The following SLC36A1 variants were observed in gnomAD, a reference collection of about 807,000 sequenced individuals.
The protein encoded by SLC36A1 is solute carrier family 36 member 1, also known as proton-coupled amino acid transporter 1.
A neutral mutation model predicts 47.5 loss-of-function variants in SLC36A1; 30 were observed. The observed-to-expected ratio is 0.63, with a 90% CI of 0.47 to 0.86. The LOEUF (loss-of-function observed/expected upper bound fraction) is 0.86, where lower values mean the gene tolerates loss of function less well. SLC36A1 is among the 40% of genes least tolerant of loss of function. The pLI is 0.00. For synonymous variants in SLC36A1, 255 were observed against 249.7 expected (o/e 1.02, Z -0.20); for missense variants, 517 against 606.0 (o/e 0.85, Z 1.54).
chr5:151,526,276 A>G, the SLC36A1 span, among the ~76,000 whole-genome samples: 7 of 152,238 alleles, frequency 4.6e-5, no homozygotes, highest in Non-Finnish European at 1.0e-4. Flanking sequence ...TCAAGATCAC[A>G]CACTGCTGAA....
At chr5:151,501,446 TG>T in the SLC36A1 span, among the ~76,000 whole-genome samples, 1 of 148,486 alleles carries the variant, frequency 6.7e-6, no homozygotes, top group South Asian at 2.1e-4. Flanking sequence ...AAGGGTGCGC[TG>T]TGGAGTAGCA....
chr5:151,405,368 G>A, the SLC36A1 span, among the ~76,000 whole-genome samples: 1,682 of 19,874 alleles, frequency 0.085, 59 homozygotes, highest in African/African-American at 0.22. Flanking sequence ...TTTTTTTTTT[G>A]AGATAGGGTG....
At chr5:151,421,880 G>A in the SLC36A1 span, among the ~76,000 whole-genome samples, 10 of 152,120 alleles carry the variant, frequency 6.6e-5, no homozygotes, top group Admixed American at 1.3e-4. Flanking sequence ...GTGAGCCACC[G>A]CGCCCGGCTG....
chr5:151,485,775 T>C (rs1182732819), intron 10 of SLC36A1, among the ~76,000 whole-genome samples: 1 of 152,240 alleles, frequency 6.6e-6, no homozygotes, highest in African/African-American at 2.4e-5. Context: ...TGGGTACCAC[T>C]AGACATTCTG....
At chr5:151,389,669 T>C in the SLC36A1 span, among the ~76,000 whole-genome samples, 74,382 of 150,454 alleles carry the variant, frequency 0.49, 20,327 homozygotes, top group African/African-American at 0.75. Context: ...TTTGGTTTTT[T>C]GTCCTTGCAA....
the SLC36A1 span, chr5:151,380,703 A>G: frequency 1.8e-6 from 1 of 550,006 alleles, no homozygotes; most frequent in Non-Finnish European, 3.7e-6. Context: ...CTCAGATCGG[A>G]GACCTCTAGA....
At chr5:151,535,567 G>C in the SLC36A1 span, among the ~76,000 whole-genome samples, 4 of 152,024 alleles carry the variant, frequency 2.6e-5, no homozygotes, top group African/African-American at 7.2e-5. Flanking sequence ...CTCTTCACCT[G>C]TATCCTTTGC....
At chr5:151,385,825 C>G in the SLC36A1 span, among the ~76,000 whole-genome samples, 2 of 151,872 alleles carry the variant, frequency 1.3e-5, no homozygotes, top group Non-Finnish European at 2.9e-5. Context: ...GGTCATTGTT[C>G]AGGTTCTAAT....
chr5:151,487,969 C>A lies in SLC36A1; in HGVS notation c.1160-14C>A, dbSNP rs779674435. 3 of 1,613,562 alleles carry A rather than the reference C, an allele frequency of 1.9e-6. No homozygotes were observed. The South Asian group carries it at 3.3e-5, about 18-fold the overall frequency. ...TCTGGGCATCTTAAACAGGCATGTCCTCTCTCCCTGCAGGCATCTTGGCCA... is the reference window on the plus strand; with the variant it reads ...TCTGGGCATCTTAAACAGGCATGTCATCTCTCCCTGCAGGCATCTTGGCCA... On this transcript the variant is annotated splice_polypyrimidine_tract_variant and intron_variant, in intron 10 of 10. Coordinates refer to ENST00000243389, the MANE Select transcript of SLC36A1 (RefSeq NM_078483.4).
At chr5:151,475,639 G>A (rs922126422) in intron 8 of SLC36A1, among the ~76,000 whole-genome samples, 16 of 152,232 alleles carry the variant, frequency 1.1e-4, no homozygotes, top group African/African-American at 3.1e-4. Context: ...TCTAATGGAT[G>A]TGGATTAACT....
At chr5:151,533,281 C>T in the SLC36A1 span, among the ~76,000 whole-genome samples, 20 of 152,018 alleles carry the variant, frequency 1.3e-4, no homozygotes, top group East Asian at 7.7e-4. Flanking sequence ...TAGATGGAGA[C>T]GTAAATAAGA....
chr5:151,385,769 A>C, the SLC36A1 span, among the ~76,000 whole-genome samples: 2 of 152,114 alleles, frequency 1.3e-5, no homozygotes, highest in Non-Finnish European at 2.9e-5. Context: ...AACAGCAACA[A>C]CTACCTTTAC....
Position 151,475,413 on chromosome 5 carries a change from A to G in SLC36A1, c.823-1177A>G, listed in dbSNP as rs77586431. Among the ~76,000 whole-genome samples the G allele has an allele frequency of 6.4e-3, 980 of 152,266 alleles. 10 individuals are homozygous for G. Among genetic ancestry groups the G allele is most frequent in the African/African-American group, 0.022 (915 of 41,560 alleles). ...GTTTTCAAGATTTCTTTGTATTTCT[A>G]TTTTTTTACAATAGAGAGAGAACAC... On this transcript the variant is annotated intron_variant, in intron 8 of 10. Coordinates refer to ENST00000243389, the MANE Select transcript of SLC36A1 (RefSeq NM_078483.4).
chr5:151,505,471 C>T, the SLC36A1 span: 25 of 1,487,514 alleles, frequency 1.7e-5, no homozygotes, highest in Non-Finnish European at 2.0e-5. Flanking sequence ...CTCCCACTCT[C>T]CCAGCCACAC....
downstream of SLC36A1, among the ~76,000 whole-genome samples, chr5:151,496,933 A>G (rs1198758999): frequency 6.6e-6 from 1 of 152,210 alleles, no homozygotes; most frequent in East Asian, 1.9e-4. Flanking sequence ...CATTGGTAGT[A>G]TATAGAAATA....
the SLC36A1 span, among the ~76,000 whole-genome samples, chr5:151,356,339 CAAA>C: frequency 5.1e-4 from 26 of 51,328 alleles, no homozygotes; most frequent in East Asian, 2.0e-3. Context: ...CTCTGTCTCA[CAAA>C]AAAAAAAAAA....
the SLC36A1 span, chr5:151,545,973 C>T: frequency 6.2e-7 from 1 of 1,614,134 alleles, no homozygotes. Context: ...TCTCATGGTC[C>T]AATTTCTTCT....
At chr5:151,481,634 A>G (rs1758813529) in intron 10 of SLC36A1, among the ~76,000 whole-genome samples, 1 of 149,262 alleles carries the variant, frequency 6.7e-6, no homozygotes, top group Admixed American at 6.6e-5. Context: ...AATTCAGTGT[A>G]GTTTCTTTTT....
chr5:151,504,033 C>G, the SLC36A1 span: 29,225 of 152,334 alleles, frequency 0.19, 2,926 homozygotes, highest in African/African-American at 0.21. Context: ...AATCTTGGAA[C>G]GGCCTGTGGA....
Sources: gnomAD v4.1 joint callset for allele counts (sites outside exome capture counted in the v4.1 genomes callset) on GRCh38, gnomAD v4.1.1 for gene constraint, MANE v1.5 for transcripts, NCBI Gene and HGNC (gene_info 2026-07-23, HGNC 2026-07-21) for gene names.